Variants in FAT3 observed in about 807,000 individuals in gnomAD.
FAT3 encodes the protein protocadherin Fat 3.
FAT3 carries 95 observed loss-of-function variants against 310.2 expected under a neutral mutation model. The ratio of observed to expected loss-of-function variants is 0.31; its 90% confidence interval spans 0.26 to 0.36. FAT3 has a LOEUF of 0.36. Ranked by LOEUF, FAT3 falls within the 10% of genes least tolerant of loss-of-function variation. The pLI is 1.00. For synonymous variants in FAT3, 2,314 were observed against 2,192.9 expected, an observed-to-expected ratio of 1.06 and a Z score of -1.54; for missense variants, 5,408 against 5,715.6, an observed-to-expected ratio of 0.95 and a Z score of 1.74.
chr11:92,613,685 T>C (rs1014494477), intron 3 of FAT3, among the ~76,000 whole-genome samples: 13 of 152,174 alleles, frequency 8.5e-5, no homozygotes, highest in Non-Finnish European at 1.5e-5. Flanking sequence ...GCTCTCCTCA[T>C]CACGGTATCA....
chr11:92,328,207 A>AC (rs1947815446), intron 1 of FAT3, among the ~76,000 whole-genome samples: 1 of 151,780 alleles, frequency 6.6e-6, no homozygotes, highest in African/African-American at 2.4e-5. Context: ...GCAACTCCCT[A>AC]CCTCCTGTCA....
At position 92,556,722 on chromosome 11, in the gene FAT3, T is replaced by C. The variant is rs141549246; in HGVS notation, c.3607+31774T>C. ...CTGTAACTCTGGGTCCCTGCAGTCCTTGGTTGTAACTGCTCTTTTTAGGCT... is the reference window on the plus strand; with the variant it reads ...CTGTAACTCTGGGTCCCTGCAGTCCCTGGTTGTAACTGCTCTTTTTAGGCT... On this transcript the variant is annotated intron_variant, in intron 3 of 27. Coordinates refer to ENST00000525166, the MANE Select transcript of FAT3 (RefSeq NM_001367949.2). 3.8e-3 allele frequency among the ~76,000 whole-genome samples: 579 copies of C among 152,286 alleles called. 5 individuals carry two copies. The highest frequency in any genetic ancestry group is 0.013 in the African/African-American group (533 of 41,556).
chr11:92,358,741 T>A (rs192988903), intron 2 of FAT3, among the ~76,000 whole-genome samples: 4 of 152,126 alleles, frequency 2.6e-5, no homozygotes, highest in African/African-American at 7.2e-5. Flanking sequence ...TAAGAGAAGG[T>A]GTCACCTTGG....
chr11:92,436,800 T>C (rs979621134), intron 2 of FAT3, among the ~76,000 whole-genome samples: 2 of 152,190 alleles, frequency 1.3e-5, no homozygotes, highest in Non-Finnish European at 2.9e-5. Context: ...TGGTTCCTGC[T>C]CTGTGTTGTT....
In FAT3 at chr11:92,867,154, C is replaced by T. The variant is rs2136352596; in HGVS notation, c.12072C>T (p.Ala4024=). 1 of 1,599,686 alleles carries T rather than the reference C, an allele frequency of 6.3e-7. No individual in the cohort carries two copies. Residue 4024 remains alanine (A), a synonymous_variant, in exon 22 of 28, where the codon GCC becomes GCT. Transcript: ENST00000525166. Reference sequence around the variant, plus strand: ...TGGGCTGCGTGCTCTATCCCGACGCCTGCAAGCGCAGCCCGTGCCAGCACG... The same window carrying T: ...TGGGCTGCGTGCTCTATCCCGACGCTTGCAAGCGCAGCCCGTGCCAGCACG... ...LKLGCVLYPD[A]CKRSPCQHGG...
chr11:92,496,106 T>G (rs1182070661), intron 2 of FAT3, among the ~76,000 whole-genome samples: 1 of 152,052 alleles, frequency 6.6e-6, no homozygotes, highest in Non-Finnish European at 1.5e-5. Flanking sequence ...GGTCTTCAGT[T>G]AGGGTCACTT....
chr11:92,346,579 CT>C (rs1948428752), intron 1 of FAT3, among the ~76,000 whole-genome samples: 1 of 152,118 alleles, frequency 6.6e-6, no homozygotes, highest in South Asian at 2.1e-4. Context: ...TGTATCCCTG[CT>C]TCTGAAAACC....
At chr11:92,479,018 T>G (rs1412301969) in intron 2 of FAT3, among the ~76,000 whole-genome samples, 1 of 150,192 alleles carries the variant, frequency 6.7e-6, no homozygotes, top group Non-Finnish European at 1.5e-5. Flanking sequence ...TGTTTTTTTT[T>G]AGAGACAGGG....
At chr11:92,675,095 C>T (rs1011666121) in intron 3 of FAT3, among the ~76,000 whole-genome samples, 1 of 152,114 alleles carries the variant, frequency 6.6e-6, no homozygotes, top group Admixed American at 6.5e-5. Flanking sequence ...TCATTTCCTA[C>T]AGCTTCAGTA....
rs780734436 is a variant in FAT3 at position 92,505,161 on chromosome 11, T to C, written c.3293-19473T>C. ...AGGAAAGTTCCTGGAGGTGGTTGTG[T>C]GTGCCTACTAGAGACTGTCCAGGCC... On this transcript the variant is annotated intron_variant, in intron 2 of 27. Coordinates refer to ENST00000525166, the MANE Select transcript of FAT3 (RefSeq NM_001367949.2). Among the ~76,000 whole-genome samples the C allele has an allele frequency of 2.8e-4, 43 of 152,090 alleles. 1 individual carries two copies. The highest frequency in any genetic ancestry group is 5.0e-4 in the Non-Finnish European group (34 of 68,014).
chr11:92,593,107 G>A (rs1012212998), intron 3 of FAT3, among the ~76,000 whole-genome samples: 5 of 152,210 alleles, frequency 3.3e-5, no homozygotes, highest in Non-Finnish European at 7.4e-5. Context: ...ATGTCCTCAA[G>A]GTTTATCCAT....
intron 22 of FAT3, among the ~76,000 whole-genome samples, chr11:92,870,219 G>A (rs1434690678): frequency 1.3e-5 from 2 of 152,074 alleles, no homozygotes; most frequent in African/African-American, 4.8e-5. Flanking sequence ...TTTTCTTTTA[G>A]GGATACAGGA....
At chr11:92,605,699 T>C (rs1409064841) in intron 3 of FAT3, among the ~76,000 whole-genome samples, 1 of 147,376 alleles carries the variant, frequency 6.8e-6, no homozygotes, top group Non-Finnish European at 1.5e-5. Flanking sequence ...AACCTCAAGA[T>C]AATGCAATAA....
chr11:92,413,602 C>G (rs1281286487), intron 2 of FAT3, among the ~76,000 whole-genome samples: 1 of 152,148 alleles, frequency 6.6e-6, no homozygotes, highest in African/African-American at 2.4e-5. Context: ...AATTGGCTTT[C>G]CCTATGCTGG....
intron 1 of FAT3, among the ~76,000 whole-genome samples, chr11:92,321,297 C>T (rs1203349335): frequency 6.6e-6 from 1 of 151,928 alleles, no homozygotes; most frequent in Non-Finnish European, 1.5e-5. Context: ...AATAGCCAGG[C>T]GTGGTGGCGG....
intron 2 of FAT3, among the ~76,000 whole-genome samples, chr11:92,471,290 T>C (rs12795054): frequency 5.9e-5 from 9 of 152,292 alleles, no homozygotes; most frequent in Non-Finnish European, 1.3e-4. Context: ...TCTTAATACA[T>C]AGCACTAATT....
intron 3 of FAT3, among the ~76,000 whole-genome samples, chr11:92,677,892 A>G (rs761909080): frequency 4.6e-5 from 7 of 152,184 alleles, no homozygotes; most frequent in Non-Finnish European, 1.0e-4. Flanking sequence ...GTGGCTCAAG[A>G]GTGCTGGTTA....
At chr11:92,698,183 A>G (rs777511858) in intron 4 of FAT3, among the ~76,000 whole-genome samples, 2 of 152,162 alleles carry the variant, frequency 1.3e-5, no homozygotes, top group African/African-American at 4.8e-5. Context: ...TAATGTGTCT[A>G]CGCTTCTAAA....
At chr11:92,403,111 G>C (rs10466347) in intron 2 of FAT3, 18,900 of 152,172 alleles carry the variant, frequency 0.12, 1,683 homozygotes, top group African/African-American at 0.24. Context: ...GCTTACATAC[G>C]CAGAGCTTGA....
Sources: gnomAD v4.1 joint callset for allele counts (sites outside exome capture counted in the v4.1 genomes callset) on GRCh38, gnomAD v4.1.1 for gene constraint, MANE v1.5 for transcripts, NCBI Gene and HGNC (gene_info 2026-07-23, HGNC 2026-07-21) for gene names.